The following SLC20A2 variants were observed in gnomAD, a reference collection of about 807,000 sequenced individuals.
SLC20A2 encodes the protein sodium-dependent phosphate transporter 2.
SLC20A2 carries 30 observed loss-of-function variants against 61.0 expected under a neutral mutation model. That is an observed-to-expected ratio of 0.49 (90% CI 0.37 to 0.67). The LOEUF (loss-of-function observed/expected upper bound fraction) is 0.67. Ranked by LOEUF, SLC20A2 falls within the 30% of genes least tolerant of loss-of-function variation. The pLI, the probability that SLC20A2 is intolerant of heterozygous loss-of-function variation, is 0.00. For missense variants in SLC20A2, 626 were observed against 866.4 expected (o/e 0.72, Z 3.48); for synonymous variants, 351 against 353.3 (o/e 0.99, Z 0.07).
Position 42,417,809 on chromosome 8 carries a change from A to C in SLC20A2, c.1953T>G (p.Tyr651Ter). Residue 651 changes from tyrosine to a stop codon, truncating the protein, a stop_gained, in exon 11 of 11, where the codon TAT becomes TAG. Transcript: ENST00000520262. LOFTEE classifies it high-confidence loss of function. ...GCAGCTGGAAGAAGACAAATCACAC[A>C]TATGGAAGGATCCCATACATGAGAA... ...MALLMYGILP[Y>*]V 6.2e-7 allele frequency: 1 copy of C among 1,614,070 alleles called. No homozygotes were observed. The highest frequency in any genetic ancestry group is 8.5e-7 in the Non-Finnish European group (1 of 1,179,978).
chr8:42,452,923 G>A (rs1326566815), intron 5 of SLC20A2, among the ~76,000 whole-genome samples: 1 of 152,190 alleles, frequency 6.6e-6, no homozygotes, highest in Non-Finnish European at 1.5e-5. Context: ...AGGAAGCCAC[G>A]TTTCTGGTAA....
chr8:42,448,352 G>A (rs886653934), intron 5 of SLC20A2, among the ~76,000 whole-genome samples: 1 of 152,212 alleles, frequency 6.6e-6, no homozygotes, highest in South Asian at 2.1e-4. Context: ...GAACGCTTTT[G>A]CTATCAGGCC....
intron 1 of SLC20A2, among the ~76,000 whole-genome samples, chr8:42,533,533 T>C (rs1012395238): frequency 5.3e-5 from 8 of 152,060 alleles, no homozygotes; most frequent in African/African-American, 1.9e-4. Flanking sequence ...CGAGAACTGC[T>C]TGAGCCCAGG....
At chr8:42,528,963 G>A (rs532430218) in intron 1 of SLC20A2, among the ~76,000 whole-genome samples, 2,509 of 107,180 alleles carry the variant, frequency 0.023, 63 homozygotes, top group African/African-American at 0.095. Flanking sequence ...CACCGAGCCC[G>A]GCCTATTATT....
At chr8:42,475,203 G>A (rs1054024531) in intron 1 of SLC20A2, among the ~76,000 whole-genome samples, 1 of 152,040 alleles carries the variant, frequency 6.6e-6, no homozygotes, top group Admixed American at 6.6e-5. Flanking sequence ...AGGCTCAAGC[G>A]ATCCTCCTGC....
chr8:42,539,804 G>A (rs1812948719), intron 1 of SLC20A2, among the ~76,000 whole-genome samples: 1 of 152,146 alleles, frequency 6.6e-6, no homozygotes, highest in Admixed American at 6.5e-5. Flanking sequence ...GGGTGACAAT[G>A]TTATATAATA....
intron 1 of SLC20A2, chr8:42,538,145 T>C (rs1166312494): frequency 6.6e-6 from 1 of 151,744 alleles, no homozygotes; most frequent in Admixed American, 6.6e-5. Context: ...AACCTACCAT[T>C]TTGAGTATCT....
chr8:42,515,691 A>G (rs2131385194), intron 1 of SLC20A2, among the ~76,000 whole-genome samples: 1 of 152,312 alleles, frequency 6.6e-6, no homozygotes, highest in Non-Finnish European at 1.5e-5. Context: ...TCCCGGGGTC[A>G]TAAGTGACTG....
rs1803616961 is a variant in SLC20A2 at position 42,428,797 on chromosome 8, G to A, written c.1755C>T (p.Ala585=). Residue 585 remains alanine (A), a synonymous_variant, in exon 10 of 11, where the codon GCC becomes GCT. Coordinates refer to ENST00000520262, the MANE Select transcript of SLC20A2 (RefSeq NM_001257180.2). ...TGCTGACTGGAAGCCCGATGTTGGA[G>A]GCGATCACCACTGTGAAGGCTGAGG... is the stretch of plus-strand genomic sequence containing the variant. ...ELASAFTVVI[A]SNIGLPVSTT... 1.2e-6 allele frequency: 2 copies of A among 1,611,464 alleles called. No homozygotes were observed. Among genetic ancestry groups the A allele is most frequent in the Non-Finnish European group, 1.7e-6 (2 of 1,178,858 alleles).
At chr8:42,465,394 G>T (rs1318479693) in intron 3 of SLC20A2, among the ~76,000 whole-genome samples, 1 of 151,386 alleles carries the variant, frequency 6.6e-6, no homozygotes, top group Non-Finnish European at 1.5e-5. Context: ...TGAAGAAAAA[G>T]ATATAAAATT....
chr8:42,447,483 C>T (rs1395526844), intron 5 of SLC20A2, among the ~76,000 whole-genome samples: 1 of 152,156 alleles, frequency 6.6e-6, no homozygotes, highest in Non-Finnish European at 1.5e-5. Context: ...GGAGACCATC[C>T]TGGCTAACAC....
chr8:42,511,300 G>T (rs1321244360), intron 1 of SLC20A2, among the ~76,000 whole-genome samples: 1 of 152,166 alleles, frequency 6.6e-6, no homozygotes, highest in Non-Finnish European at 1.5e-5. Flanking sequence ...TGCTGTAAAT[G>T]GGTATGATCT....
chr8:42,520,163 A>C (rs1440028463), intron 1 of SLC20A2, among the ~76,000 whole-genome samples: 1 of 150,952 alleles, frequency 6.6e-6, no homozygotes, highest in Non-Finnish European at 1.5e-5. Flanking sequence ...ACAGGCACCC[A>C]CCATCACACC....
At position 42,430,098 on chromosome 8, in the gene SLC20A2, T is replaced by C; in HGVS notation, c.1675A>G (p.Met559Val). The change falls in exon 9 of 11, where the codon ATG becomes GTG. Residue 559 changes from methionine to valine, a missense_variant. Coordinates refer to ENST00000520262, the MANE Select transcript of SLC20A2 (RefSeq NM_001257180.2). The part of the protein sequence containing the change: ...WVWGRRVIQT[M>V]GKDLTPITPS... ...GTGATGGGAGTGAGGTCCTTCCCCA[T>C]GGTCTGGATCACTCTTCTCCCCCAG... 6.2e-7 allele frequency: 1 copy of C among 1,613,014 alleles called. No homozygotes were observed. The highest frequency in any genetic ancestry group is 8.5e-7 in the Non-Finnish European group (1 of 1,179,650).
chr8:42,468,051 C>G (rs113324747), intron 2 of SLC20A2, among the ~76,000 whole-genome samples: 5,802 of 151,792 alleles, frequency 0.038, 373 homozygotes, highest in African/African-American at 0.13. Flanking sequence ...TACAGGTGCC[C>G]GCTACCACGC....
At chr8:42,484,795 G>A (rs567203623) in intron 1 of SLC20A2, 5 of 306,944 alleles carry the variant, frequency 1.6e-5, no homozygotes, top group African/African-American at 6.7e-5. Flanking sequence ...CATATCATGC[G>A]GGAGCACCTG....
At chr8:42,503,951 T>C (rs138998212), upstream of SLC20A2, among the ~76,000 whole-genome samples, 357 of 152,284 alleles carry the variant, frequency 2.3e-3, 5 homozygotes, top group African/African-American at 8.1e-3. Context: ...GCATCCTTTG[T>C]TTTTTAGAGC....
intron 1 of SLC20A2, among the ~76,000 whole-genome samples, chr8:42,530,078 G>A (rs1012878120): frequency 3.9e-5 from 6 of 152,048 alleles, no homozygotes; most frequent in Non-Finnish European, 8.8e-5. Flanking sequence ...CATGCAATGA[G>A]TATGTGATTT....
At chr8:42,536,052 T>C (rs2923430) in intron 1 of SLC20A2, among the ~76,000 whole-genome samples, 95,502 of 152,024 alleles carry the variant, frequency 0.63, 30,168 homozygotes, top group South Asian at 0.68. Context: ...CAGGGAAGAG[T>C]CTGAAATGAA....
Sources: allele counts gnomAD v4.1 joint callset (sites outside exome capture counted in the v4.1 genomes callset), GRCh38; gene constraint gnomAD v4.1.1; transcripts MANE v1.5; gene names NCBI Gene and HGNC (gene_info 2026-07-23, HGNC 2026-07-21).